ZNF644: variants seen among roughly 807,000 people sequenced by gnomAD.
The protein encoded by ZNF644 is zinc finger motif enhancer binding protein 2.
A neutral mutation model predicts 108.0 loss-of-function variants in ZNF644; 20 were observed. That is an observed-to-expected ratio of 0.19 (90% CI 0.13 to 0.27). ZNF644 has a LOEUF of 0.27. Among genes scored for constraint, ZNF644 ranks in the 10% least tolerant of loss-of-function variants. The pLI is 1.00. For synonymous variants in ZNF644, 542 were observed against 539.1 expected (o/e 1.01, Z -0.08); for missense variants, 1,338 against 1,548.9 (o/e 0.86, Z 2.29).
Position 90,939,188 on chromosome 1 carries a change from G to A in ZNF644, c.2166C>T (p.Phe722=). 2 of 1,613,792 alleles carry A rather than the reference G, an allele frequency of 1.2e-6. No individual in the cohort carries two copies. The highest frequency in any genetic ancestry group is 1.7e-6 in the Non-Finnish European group (2 of 1,179,878). ...TAGACTTTTCTTTTGCTGCTTGATG[G>A]AAATACTTAGGTTTTTGGTCAACGC... The part of the protein sequence containing the change: ...KSSVDQKPKY[F]HQAAKEKSNA... Residue 722 remains phenylalanine (F), a synonymous_variant, in exon 3 of 6, where the codon TTC becomes TTT. Coordinates refer to ENST00000337393, the MANE Select transcript of ZNF644 (RefSeq NM_201269.3).
Position 90,985,890 on chromosome 1 carries a change from A to T in ZNF644, c.-17-3520T>A, listed in dbSNP as rs781640605. Among the ~76,000 whole-genome samples the T allele has an allele frequency of 1.3e-5, 2 of 152,094 alleles. 1 individual carries two copies. Among genetic ancestry groups the T allele is most frequent in the South Asian group, 4.1e-4 (2 of 4,824 alleles). Reference sequence around the variant, plus strand: ...GAGAAAGTGCCATACTGTTTTCCATAATGGCTGTTTATTTTGCATTCCTAA... The same window carrying T: ...GAGAAAGTGCCATACTGTTTTCCATTATGGCTGTTTATTTTGCATTCCTAA... On this transcript the variant is annotated intron_variant, in intron 1 of 5. Coordinates refer to ENST00000337393, the MANE Select transcript of ZNF644 (RefSeq NM_201269.3).
chr1:90,942,723 T>C (rs1032334478), intron 2 of ZNF644, among the ~76,000 whole-genome samples: 1 of 152,216 alleles, frequency 6.6e-6, no homozygotes, highest in African/African-American at 2.4e-5. Flanking sequence ...GTAATTATAA[T>C]AAGGTCCTCA....
intron 1 of ZNF644, among the ~76,000 whole-genome samples, chr1:91,017,613 TA>T (rs1570597128): frequency 1.3e-5 from 2 of 152,294 alleles, no homozygotes; most frequent in East Asian, 3.9e-4. Flanking sequence ...ATTAAAAGAA[TA>T]AAAATATACT....
At chr1:90,920,070 G>A (rs898949974) in intron 4 of ZNF644, among the ~76,000 whole-genome samples, 1 of 152,024 alleles carries the variant, frequency 6.6e-6, no homozygotes, top group African/African-American at 2.4e-5. Context: ...CTGAATTTAA[G>A]TGGGTTATGA....
chr1:90,990,159 G>A (rs1438996664), intron 1 of ZNF644, among the ~76,000 whole-genome samples: 1 of 152,146 alleles, frequency 6.6e-6, no homozygotes, highest in Non-Finnish European at 1.5e-5. Flanking sequence ...CTGGGGGAGA[G>A]AGGAAGTGAA....
Position 90,938,369 on chromosome 1 carries a change from G to T in ZNF644, c.2985C>A (p.Ala995=). 1 of 1,613,800 alleles carries T rather than the reference G, an allele frequency of 6.2e-7. No individual in the cohort carries two copies. Among genetic ancestry groups the T allele is most frequent in the Non-Finnish European group, 8.5e-7 (1 of 1,179,882 alleles). The change falls in exon 3 of 6, where the codon GCC becomes GCA. Residue 995 remains alanine (A), a synonymous_variant. Transcript: ENST00000337393. This position sits in a 1 kb window ranked among gnomAD's most constrained non-coding sequence, Gnocchi z 4.2. ...HLHRAGLSYE[A]RHVVSPEQIA... Reference sequence around the variant, plus strand: ...TTTGTTCTGGTGATACAACATGACGGGCTTCATAGCTTAATCCTGCTCTGT... The same window carrying T: ...TTTGTTCTGGTGATACAACATGACGTGCTTCATAGCTTAATCCTGCTCTGT...
In ZNF644 at chr1:91,006,855, G is replaced by A. The variant is rs554924350; in HGVS notation, c.-18+15135C>T. ...AGCCTGTGCCTTCTAGTAAGTTCCTGATATAGTACTTTTGAAGTAAATATT... is the reference window on the plus strand; with the variant it reads ...AGCCTGTGCCTTCTAGTAAGTTCCTAATATAGTACTTTTGAAGTAAATATT... On this transcript the variant is annotated intron_variant, in intron 1 of 5. Coordinates refer to ENST00000337393, the MANE Select transcript of ZNF644 (RefSeq NM_201269.3). Among the ~76,000 whole-genome samples the A allele has an allele frequency of 3.3e-5, 5 of 152,152 alleles. No homozygotes were observed. In the Middle Eastern group the frequency reaches 0.017, roughly 518 times the overall value.
At chr1:90,943,258 G>C (rs1232005680) in intron 2 of ZNF644, among the ~76,000 whole-genome samples, 1 of 151,966 alleles carries the variant, frequency 6.6e-6, no homozygotes, top group Non-Finnish European at 1.5e-5. Context: ...TGGCTAACAT[G>C]GTGATACCCC....
intron 4 of ZNF644, among the ~76,000 whole-genome samples, chr1:90,926,267 G>T (rs1048858907): frequency 2.0e-5 from 3 of 152,106 alleles, no homozygotes; most frequent in Non-Finnish European, 4.4e-5. Flanking sequence ...TAAATGTTAG[G>T]TCTCCAACTC....
At position 90,954,411 on chromosome 1, in the gene ZNF644, CTT is replaced by C. The variant is rs907082184; in HGVS notation, c.45-13104_45-13103del. On this transcript the variant is annotated intron_variant, in intron 2 of 5. Coordinates refer to ENST00000337393, the MANE Select transcript of ZNF644 (RefSeq NM_201269.3). ...AATTCAGTTACATCTTCAGGTTCCA[CTT>C]TTTTTTTTTTTGAGACAGAGTCTCA... Among the ~76,000 whole-genome samples the C allele has an allele frequency of 5.1e-3, 741 of 145,532 alleles. 8 individuals are homozygous for C. The highest frequency in any genetic ancestry group is 0.017 in the African/African-American group (687 of 40,068).
chr1:90,961,772 A>C (rs1162680402), intron 2 of ZNF644, among the ~76,000 whole-genome samples: 1 of 152,162 alleles, frequency 6.6e-6, no homozygotes, highest in African/African-American at 2.4e-5. Context: ...TTTCAAAAGC[A>C]GTAAATATTG....
intron 4 of ZNF644, among the ~76,000 whole-genome samples, chr1:90,926,757 T>C (rs1221827933): frequency 6.6e-6 from 1 of 152,166 alleles, no homozygotes; most frequent in Non-Finnish European, 1.5e-5. Context: ...ATATTACCCA[T>C]ACATCTAGTA....
chr1:90,960,726 C>T (rs563924011), intron 2 of ZNF644, among the ~76,000 whole-genome samples: 3 of 151,964 alleles, frequency 2.0e-5, no homozygotes, highest in African/African-American at 7.2e-5. Context: ...AGTAAGACAC[C>T]CTAAAGCTCC....
intron 1 of ZNF644, among the ~76,000 whole-genome samples, chr1:91,015,925 CTT>C (rs1660393382): frequency 6.6e-6 from 1 of 152,202 alleles, no homozygotes; most frequent in Non-Finnish European, 1.5e-5. Context: ...AAGCTAAGGA[CTT>C]TACATGAATT....
At chr1:90,970,385 A>T (rs950246127) in intron 2 of ZNF644, among the ~76,000 whole-genome samples, 1 of 152,214 alleles carries the variant, frequency 6.6e-6, no homozygotes, top group African/African-American at 2.4e-5. Flanking sequence ...TAAACTTGGG[A>T]AACTTTTAAA....
At chr1:90,973,576 T>C (rs949261260) in intron 2 of ZNF644, among the ~76,000 whole-genome samples, 10 of 152,230 alleles carry the variant, frequency 6.6e-5, no homozygotes, top group African/African-American at 1.4e-4. Context: ...GCATTTATCA[T>C]GGTTTTTATT....
chr1:90,980,896 G>A (rs1217460853), intron 2 of ZNF644, among the ~76,000 whole-genome samples: 1 of 152,100 alleles, frequency 6.6e-6, no homozygotes, highest in Non-Finnish European at 1.5e-5. Context: ...TTACACATAT[G>A]AATGTGTATG....
In ZNF644 at chr1:90,940,302, T is replaced by G. The variant is rs1407700569; in HGVS notation, c.1052A>C (p.Asp351Ala). The G allele has an allele frequency of 1.9e-6, 3 of 1,614,036 alleles. No homozygotes were observed. In the East Asian group the frequency reaches 6.7e-5, roughly 36 times the overall value. ...ALSKVKPEST[D>A]EDLESVDAFQ... ...GGCATCCACAGATTCTAAGTCTTCA[T>G]CAGTTGATTCAGGCTTCACTTTTGA... is the stretch of plus-strand genomic sequence containing the variant. The change falls in exon 3 of 6, where the codon GAT becomes GCT. Residue 351 changes from aspartate to alanine, a missense_variant. Coordinates refer to ENST00000337393, the MANE Select transcript of ZNF644 (RefSeq NM_201269.3).
At chr1:90,946,880 G>A (rs762275987) in intron 2 of ZNF644, among the ~76,000 whole-genome samples, 2 of 152,118 alleles carry the variant, frequency 1.3e-5, no homozygotes, top group South Asian at 2.1e-4. Flanking sequence ...TTAACAGGAA[G>A]GCAGATGTTA....
Sources: allele counts gnomAD v4.1 joint callset (sites outside exome capture counted in the v4.1 genomes callset), GRCh38; gene constraint gnomAD v4.1.1; non-coding constraint Gnocchi (gnomAD v3.1); transcripts MANE v1.5; gene names NCBI Gene and HGNC (gene_info 2026-07-23, HGNC 2026-07-21).